The following CACNA2D3 variants were observed in gnomAD, a reference collection of about 807,000 sequenced individuals.
The protein encoded by CACNA2D3 is calcium voltage-gated channel auxiliary subunit alpha2delta 3.
A neutral mutation model predicts 160.6 loss-of-function variants in CACNA2D3; 60 were observed. That is an observed-to-expected ratio of 0.37 (90% confidence interval 0.30 to 0.46). CACNA2D3 has a LOEUF of 0.46. Ranked by LOEUF, CACNA2D3 falls within the 20% of genes least tolerant of loss-of-function variation. CACNA2D3 has a pLI of 1.00. For synonymous variants in CACNA2D3, 558 were observed against 492.9 expected (o/e 1.13, Z -1.75); for missense variants, 1,205 against 1,365.0 (o/e 0.88, Z 1.85).
chr3:54,821,716 C>CCTCTCT (rs144564494), intron 14 of CACNA2D3, among the ~76,000 whole-genome samples: 1 of 112,800 alleles, frequency 8.9e-6, no homozygotes, highest in Non-Finnish European at 1.9e-5. Context: ...TTCCTTCTTT[C>CCTCTCT]CTCTCTCTCT....
At chr3:54,405,269 T>TAA (rs34019072) in intron 4 of CACNA2D3, among the ~76,000 whole-genome samples, 22 of 100,910 alleles carry the variant, frequency 2.2e-4, no homozygotes, top group East Asian at 7.8e-4. Flanking sequence ...TACTACTCAG[T>TAA]AAAAAAAAAA....
At chr3:54,462,892 A>G (rs1329777853) in intron 4 of CACNA2D3, among the ~76,000 whole-genome samples, 1 of 149,020 alleles carries the variant, frequency 6.7e-6, no homozygotes, top group Non-Finnish European at 1.5e-5. Flanking sequence ...ACATTTTGGC[A>G]TGATTTTGCA....
At chr3:54,157,255 A>T (rs1209629847) in intron 2 of CACNA2D3, among the ~76,000 whole-genome samples, 2 of 152,298 alleles carry the variant, frequency 1.3e-5, no homozygotes, top group East Asian at 1.9e-4. Flanking sequence ...CCCCAACTTC[A>T]TGACTCTTTT....
chr3:54,672,123 C>T (rs958187004), intron 11 of CACNA2D3, among the ~76,000 whole-genome samples: 1 of 152,096 alleles, frequency 6.6e-6, no homozygotes, highest in African/African-American at 2.4e-5. Flanking sequence ...ATCAGGAGAC[C>T]TCATTTGGTA....
intron 3 of CACNA2D3, among the ~76,000 whole-genome samples, chr3:54,349,315 GC>G (rs1410517794): frequency 6.6e-6 from 1 of 152,094 alleles, no homozygotes; most frequent in Non-Finnish European, 1.5e-5. Context: ...TCCTGGCCTG[GC>G]CTCCTGCAAC....
chr3:54,303,693 G>A, intron 2 of CACNA2D3, among the ~76,000 whole-genome samples: 1 of 152,284 alleles, frequency 6.6e-6, no homozygotes, highest in Admixed American at 6.5e-5. Context: ...GCTATGATGC[G>A]TGAAAACACT....
At chr3:54,737,727 A>T (rs879848995) in intron 11 of CACNA2D3, among the ~76,000 whole-genome samples, 4 of 152,088 alleles carry the variant, frequency 2.6e-5, no homozygotes, top group Admixed American at 2.6e-4. Flanking sequence ...TGCAGTGGCG[A>T]AATGTCAGCT....
At chr3:54,788,721 A>G (rs542751602) in intron 13 of CACNA2D3, among the ~76,000 whole-genome samples, 56 of 152,274 alleles carry the variant, frequency 3.7e-4, no homozygotes, top group African/African-American at 1.3e-3. Flanking sequence ...TTCTGGGTCC[A>G]AGTTTCTCTA....
At chr3:54,660,382 G>T (rs1464457149) in intron 11 of CACNA2D3, among the ~76,000 whole-genome samples, 1 of 152,002 alleles carries the variant, frequency 6.6e-6, no homozygotes, top group Non-Finnish European at 1.5e-5. Context: ...GGGTGGTCTC[G>T]ATCTCCTGAC....
Position 54,312,153 on chromosome 3 carries a change from G to T in CACNA2D3, c.205-8289G>T, listed in dbSNP as rs947662028. ...TAGAGAAGCAGCCCATTTATTTCAG[G>T]TCGCAGACTTCAAGGCAAACGCTCC... On this transcript the variant is annotated intron_variant, in intron 2 of 37. Coordinates refer to ENST00000474759, the MANE Select transcript of CACNA2D3 (RefSeq NM_018398.3). 5.9e-5 allele frequency among the ~76,000 whole-genome samples: 9 copies of T among 152,154 alleles called. No homozygotes were observed. In the East Asian group the frequency reaches 1.7e-3, roughly 29 times the overall value.
At chr3:54,183,713 C>T (rs1217310853) in intron 2 of CACNA2D3, among the ~76,000 whole-genome samples, 6 of 151,280 alleles carry the variant, frequency 4.0e-5, no homozygotes, top group Admixed American at 1.3e-4. Context: ...GGTGAAACCC[C>T]GTCTCTACTA....
chr3:54,606,774 C>T (rs774432041), intron 9 of CACNA2D3, among the ~76,000 whole-genome samples: 6 of 152,156 alleles, frequency 3.9e-5, no homozygotes, highest in Non-Finnish European at 7.4e-5. Flanking sequence ...AAGAAGACGA[C>T]GTGGCCTGAA....
At chr3:54,221,082 C>T (rs138311651) in intron 2 of CACNA2D3, among the ~76,000 whole-genome samples, 3 of 152,284 alleles carry the variant, frequency 2.0e-5, no homozygotes, top group South Asian at 2.1e-4. Context: ...ACAGGCAAAG[C>T]GCTTTGAGTG....
intron 21 of CACNA2D3, among the ~76,000 whole-genome samples, chr3:54,884,347 A>G (rs938772373): frequency 2.6e-5 from 4 of 152,190 alleles, no homozygotes; most frequent in African/African-American, 9.7e-5. Context: ...ATCATATGCA[A>G]TGATGTTCAT....
chr3:54,542,358 C>G (rs1701995513), intron 5 of CACNA2D3, among the ~76,000 whole-genome samples: 1 of 152,036 alleles, frequency 6.6e-6, no homozygotes, highest in African/African-American at 2.4e-5. Flanking sequence ...CCACACCCAG[C>G]CTGAAAGGGA....
chr3:54,927,887 G>A (rs1281203266), intron 27 of CACNA2D3: 1 of 1,613,524 alleles, frequency 6.2e-7, no homozygotes, highest in South Asian at 1.1e-5. Context: ...TTTCCAACGG[G>A]AATTGATCAG....
At chr3:54,873,458 A>C (rs992210971) in intron 18 of CACNA2D3, among the ~76,000 whole-genome samples, 1 of 151,716 alleles carries the variant, frequency 6.6e-6, no homozygotes, top group Non-Finnish European at 1.5e-5. Flanking sequence ...ACTTGAAGAG[A>C]TGTATGACTC....
intron 11 of CACNA2D3, among the ~76,000 whole-genome samples, chr3:54,674,689 G>A (rs944303013): frequency 9.9e-5 from 15 of 152,238 alleles, no homozygotes; most frequent in African/African-American, 3.6e-4. Flanking sequence ...TGGAATCTGA[G>A]GTGGGTAAAA....
At chr3:54,463,538 T>A (rs1280652205) in intron 4 of CACNA2D3, among the ~76,000 whole-genome samples, 1 of 152,226 alleles carries the variant, frequency 6.6e-6, no homozygotes. Context: ...CTTCCATCAC[T>A]GATACCCTTT....
Sources: gnomAD v4.1 joint callset for allele counts (sites outside exome capture counted in the v4.1 genomes callset) on GRCh38, gnomAD v4.1.1 for gene constraint, MANE v1.5 for transcripts, NCBI Gene and HGNC (gene_info 2026-07-23, HGNC 2026-07-21) for gene names.